The following KIAA1614 variants were observed in gnomAD, a reference collection of about 807,000 sequenced individuals.
KIAA1614 encodes uncharacterized protein KIAA1614.
A neutral mutation model predicts 88.7 loss-of-function variants in KIAA1614; 76 were observed. The observed-to-expected ratio is 0.86, with a 90% CI of 0.71 to 1.04. The LOEUF (loss-of-function observed/expected upper bound fraction) is 1.04, where lower values mean the gene tolerates loss of function less well. KIAA1614 is among the 50% of genes least tolerant of loss of function. The pLI, the probability that KIAA1614 is intolerant of heterozygous loss-of-function variation, is 0.00. For synonymous variants in KIAA1614, 714 were observed against 675.5 expected (o/e 1.06, Z -0.88); for missense variants, 1,553 against 1,582.5 (o/e 0.98, Z 0.32).
At chr1:180,929,278 C>T (rs1176912188) in intron 4 of KIAA1614, among the ~76,000 whole-genome samples, 1 of 152,138 alleles carries the variant, frequency 6.6e-6, no homozygotes, top group African/African-American at 2.4e-5. Context: ...TCTAATGACT[C>T]CTTATTTTGT....
At position 180,936,185 on chromosome 1, in the gene KIAA1614, G is replaced by C; in HGVS notation, c.2276G>C (p.Gly759Ala). 1 of 1,614,124 alleles carries C rather than the reference G, an allele frequency of 6.2e-7. No individual in the cohort carries two copies. The highest frequency in any genetic ancestry group is 8.5e-7 in the Non-Finnish European group (1 of 1,180,010). Residue 759 changes from glycine (G) to alanine (A), a missense_variant, in exon 5 of 9, where the codon GGG (glycine) becomes GCG (alanine). By Grantham distance (60) the Gly-to-Ala change is moderately conservative. Transcript: ENST00000367588. ...GCCCCCATGACGCCTGAATCATCGG[G>C]GCCAGGAGGCCAGGCCCAGGTTACA... Reference protein sequence around the residue: ...TTAPMTPESSGPGGQAQVTES... With the variant: ...TTAPMTPESSAPGGQAQVTES...
chr1:180,924,233 G>C (rs1373009651), intron 3 of KIAA1614, among the ~76,000 whole-genome samples: 1 of 152,236 alleles, frequency 6.6e-6, no homozygotes, highest in Non-Finnish European at 1.5e-5. Context: ...GTGGGAGCCA[G>C]TCTGAAATTC....
In KIAA1614 at chr1:180,945,476, G is replaced by C. The variant is rs1198997522; in HGVS notation, c.3461G>C (p.Arg1154Pro). 6.2e-7 allele frequency: 1 copy of C among 1,612,928 alleles called. No homozygotes were observed. The highest frequency in any genetic ancestry group is 1.3e-5 in the African/African-American group (1 of 74,892). The change falls in exon 9 of 9, where the codon CGC becomes CCC. Residue 1154 changes from arginine (R) to proline (P), a missense_variant. Transcript: ENST00000367588. Reference protein sequence around the residue: ...FGFCVASGNGRPDSGMPSPLP... With the variant: ...FGFCVASGNGPPDSGMPSPLP... ...TTCTGCGTGGCCTCTGGGAATGGGC[G>C]CCCAGACTCAGGTATGCCCTCTCCT... is the stretch of plus-strand genomic sequence containing the variant.
rs541014772 is a variant in KIAA1614, at chr1:180,922,076, C to T, written c.1061+4162C>T. Among the ~76,000 whole-genome samples, 52 of 152,356 alleles carry T rather than the reference C, an allele frequency of 3.4e-4. No individual in the cohort carries two copies. In the South Asian group the frequency reaches 9.7e-3, roughly 28 times the overall value. On this transcript the variant is annotated intron_variant, in intron 3 of 8. Transcript: ENST00000367588. ...GGAGCCCGCGCCAGGGCGGCCAGCC[C>T]GAGGCCCTCGGCCTCCTCGGCCGTC... is the stretch of plus-strand genomic sequence containing the variant.
intron 3 of KIAA1614, among the ~76,000 whole-genome samples, chr1:180,922,295 C>T (rs758514784): frequency 1.3e-5 from 2 of 152,154 alleles, no homozygotes; most frequent in Non-Finnish European, 2.9e-5. Flanking sequence ...CAGGGAACAT[C>T]CTAGGTTGTT....
Position 180,948,038 on chromosome 1 carries a change from T to C in KIAA1614, c.*2450T>C, listed in dbSNP as rs2102280243. ...CCCTCCCTGTCACCCGTCAGGGAGC[T>C]CTGATGGGCAGGGGTCTCTAGTGAC... On this transcript the variant is annotated 3_prime_UTR_variant, in exon 9 of 9. Coordinates refer to ENST00000367588, the MANE Select transcript of KIAA1614 (RefSeq NM_020950.2). The C allele has an allele frequency of 6.6e-6, 1 of 152,284 alleles. No homozygotes were observed. Among genetic ancestry groups the C allele is most frequent in the Admixed American group, 6.5e-5 (1 of 15,308 alleles). 9.4% of individuals were successfully genotyped at this position (152,284 alleles called of 1,614,324 possible).
rs186953945 is a variant in KIAA1614, at chr1:180,941,228, C to T, written c.3102C>T (p.Pro1034=). Residue 1034 remains proline (P), a synonymous_variant, in exon 7 of 9, where the codon CCC becomes CCT. Transcript: ENST00000367588. The part of the protein sequence containing the change: ...SRSYSVEQLQ[P]APPGLTSQSR... ...GCTACAGTGTGGAGCAGTTGCAGCC[C>T]GCCCCGCCTGGCCTGACGTCACAGT... 333 of 1,613,710 alleles carry T rather than the reference C, an allele frequency of 2.1e-4. No individual in the cohort carries two copies. The East Asian group carries it at 4.6e-3, about 22-fold the overall frequency.
Position 180,916,335 on chromosome 1 carries a change from C to T in KIAA1614, c.232C>T (p.Gln78Ter), listed in dbSNP as rs778727104. ...QPPRVWGVQLQGPSVLESKVR... is the reference protein window; with the variant it reads ...QPPRVWGVQL ...TCCCAGGGTATGGGGAGTACAGCTC[C>T]AGGGCCCCTCTGTGCTGGAATCCAA... Residue 78 changes from glutamine (Q) to a stop codon, truncating the protein, a stop_gained, in exon 2 of 9, where the codon CAG becomes TAG. Coordinates refer to ENST00000367588, the MANE Select transcript of KIAA1614 (RefSeq NM_020950.2). LOFTEE classifies it high-confidence loss of function. 12 of 1,614,174 alleles carry T rather than the reference C, an allele frequency of 7.4e-6. No individual in the cohort carries two copies. Among genetic ancestry groups the T allele is most frequent in the South Asian group, 3.3e-5 (3 of 91,080 alleles).
intron 4 of KIAA1614, among the ~76,000 whole-genome samples, chr1:180,934,124 C>A (rs918109386): frequency 6.6e-6 from 1 of 152,032 alleles, no homozygotes; most frequent in Non-Finnish European, 1.5e-5. Context: ...CGTGGTGGCG[C>A]ATGCCTATAA....
In KIAA1614 at chr1:180,916,458, A is replaced by G. The variant is rs753802807; in HGVS notation, c.355A>G (p.Arg119Gly). 17 of 1,614,058 alleles carry G rather than the reference A, an allele frequency of 1.1e-5. No homozygotes were observed. The South Asian group carries it at 1.2e-4, about 11-fold the overall frequency. Residue 119 changes from arginine to glycine, a missense_variant, in exon 2 of 9, where the codon AGA (arginine) becomes GGA (glycine). Physicochemically the swap from Arg to Gly is moderately radical, Grantham distance 125. Coordinates refer to ENST00000367588, the MANE Select transcript of KIAA1614 (RefSeq NM_020950.2). ...GTCATCCCCCAAGAAACCCCAATGC[A>G]GACGAGGCAAGGCAGGGAGAGCCGG... ...EWSSPKKPQC[R>G]RGKAGRAGTP...
chr1:180,925,937 T>A (rs1447403766), intron 3 of KIAA1614, among the ~76,000 whole-genome samples: 3 of 152,164 alleles, frequency 2.0e-5, no homozygotes, highest in Non-Finnish European at 2.9e-5. Flanking sequence ...AGATCTGGGC[T>A]CACAGGGTAG....
At position 180,935,834 on chromosome 1, in the gene KIAA1614, G is replaced by A; in HGVS notation, c.1925G>A (p.Gly642Asp). The change falls in exon 5 of 9, where the codon GGC becomes GAC. Residue 642 changes from glycine (G) to aspartate (D), a missense_variant. Coordinates refer to ENST00000367588, the MANE Select transcript of KIAA1614 (RefSeq NM_020950.2). This position sits in a 1 kb window ranked among gnomAD's most constrained non-coding sequence, Gnocchi z 6.1. ...QAGWACGRTQ[G>D]SSPRLRLRGS... ...GGCTGGGCGTGTGGGCGGACCCAAG[G>A]CAGCAGCCCGCGACTGCGACTGCGG... 1 of 1,613,552 alleles carries A rather than the reference G, an allele frequency of 6.2e-7. No individual in the cohort carries two copies. The highest frequency in any genetic ancestry group is 8.5e-7 in the Non-Finnish European group (1 of 1,179,884).
In KIAA1614 at chr1:180,950,137, GTATC is replaced by G. The variant is rs1558075909; in HGVS notation, c.*4553_*4556del. 1 of 177,782 alleles carries G rather than the reference GTATC, an allele frequency of 5.6e-6. No homozygotes were observed. Among genetic ancestry groups the G allele is most frequent in the South Asian group, 9.4e-5 (1 of 10,600 alleles). The allele number at this position is 177,782 out of a possible 1,614,324, so 11.0% of individuals were successfully genotyped here. A position where few individuals can be genotyped will look rare whatever the true frequency, so the allele number is the denominator to read the frequency against. On this transcript the variant is annotated 3_prime_UTR_variant, in exon 9 of 9. Coordinates refer to ENST00000367588, the MANE Select transcript of KIAA1614 (RefSeq NM_020950.2). ...AGTTAGACCATGGAGGAGGCGCACT[GTATC>G]TATGTCTAAAGCCAGTTGTGGTTGT...
At chr1:180,914,778 G>A (rs182006924) in intron 1 of KIAA1614, among the ~76,000 whole-genome samples, 14 of 151,548 alleles carry the variant, frequency 9.2e-5, no homozygotes, top group East Asian at 3.9e-4. Flanking sequence ...TTGCTCTGTC[G>A]CCCAGGCTGG....
At chr1:180,914,333 C>T (rs934546601) in intron 1 of KIAA1614, among the ~76,000 whole-genome samples, 1 of 152,206 alleles carries the variant, frequency 6.6e-6, no homozygotes, top group Non-Finnish European at 1.5e-5. Flanking sequence ...ATCTGTGCAG[C>T]GCTGACAAGC....
chr1:180,914,256 C>G (rs550167448), intron 1 of KIAA1614, among the ~76,000 whole-genome samples: 9 of 152,318 alleles, frequency 5.9e-5, no homozygotes, highest in African/African-American at 1.9e-4. Context: ...GCATGCAACA[C>G]CCTGAGTCAA....
At chr1:180,932,512 C>T (rs751776934) in intron 4 of KIAA1614, among the ~76,000 whole-genome samples, 2 of 152,164 alleles carry the variant, frequency 1.3e-5, no homozygotes, top group Non-Finnish European at 2.9e-5. Flanking sequence ...TTTTCCTGGG[C>T]CCCTGTCCAT....
At chr1:180,941,438 C>T (rs900322665) in intron 7 of KIAA1614, among the ~76,000 whole-genome samples, 153 bp downstream of exon 7, 3 of 152,166 alleles carry the variant, frequency 2.0e-5, no homozygotes, top group African/African-American at 7.2e-5. Flanking sequence ...ATGGTTGACC[C>T]ATGAGACTTG....
Position 180,916,317 on chromosome 1 carries a change from G to C in KIAA1614, c.214G>C (p.Val72Leu). ...CCTGATGGCCCCCCAGCCTCCCAGG[G>C]TATGGGGAGTACAGCTCCAGGGCCC... ...SSLMAPQPPRVWGVQLQGPSV... is the reference protein window; with the variant it reads ...SSLMAPQPPRLWGVQLQGPSV... Residue 72 changes from valine to leucine, a missense_variant, in exon 2 of 9, where the codon GTA becomes CTA. By Grantham distance (32) the Val-to-Leu change is conservative. Coordinates refer to ENST00000367588, the MANE Select transcript of KIAA1614 (RefSeq NM_020950.2). 6.2e-7 allele frequency: 1 copy of C among 1,614,084 alleles called. No homozygotes were observed. Among genetic ancestry groups the C allele is most frequent in the Non-Finnish European group, 8.5e-7 (1 of 1,180,010 alleles).
Sources: allele counts gnomAD v4.1 joint callset (sites outside exome capture counted in the v4.1 genomes callset), GRCh38; gene constraint gnomAD v4.1.1; non-coding constraint Gnocchi (gnomAD v3.1); transcripts MANE v1.5; gene names NCBI Gene and HGNC (gene_info 2026-07-23, HGNC 2026-07-21).